Variants in CACNA2D3 observed in about 807,000 individuals in gnomAD.
CACNA2D3 encodes the protein calcium voltage-gated channel auxiliary subunit alpha2delta 3.
Under a neutral mutation model 160.6 loss-of-function variants are expected in CACNA2D3, and 60 were observed. The ratio of observed to expected loss-of-function variants is 0.37; its 90% CI spans 0.30 to 0.46. The LOEUF is 0.46. Among genes scored for constraint, CACNA2D3 ranks in the 20% least tolerant of loss-of-function variants. CACNA2D3 has a pLI of 1.00. For missense variants in CACNA2D3, 1,205 were observed against 1,365.0 expected (o/e 0.88, Z 1.85); for synonymous variants, 558 against 492.9 (o/e 1.13, Z -1.75).
At chr3:54,486,962 A>T (rs566380588) in intron 4 of CACNA2D3, among the ~76,000 whole-genome samples, 1 of 152,338 alleles carries the variant, frequency 6.6e-6, no homozygotes, top group East Asian at 1.9e-4. Flanking sequence ...AATGCTGCTT[A>T]GATGAGTGAC....
chr3:54,786,803 A>G (rs1011280213), intron 13 of CACNA2D3, among the ~76,000 whole-genome samples: 5 of 152,168 alleles, frequency 3.3e-5, no homozygotes, highest in African/African-American at 1.2e-4. Flanking sequence ...TGAAACTGGG[A>G]GCACATACGG....
Position 54,320,491 on chromosome 3 carries a change from T to G in CACNA2D3, c.254T>G (p.Leu85Arg), listed in dbSNP as rs1452896075. ...GTTGCCATAGAAGAAATTGATGGCCTCCAACTGGTAAAGAAGCTGGCAAAG... is the reference window on the plus strand; with the variant it reads ...GTTGCCATAGAAGAAATTGATGGCCGCCAACTGGTAAAGAAGCTGGCAAAG... ...KDVAIEEIDG[L>R]QLVKKLAKNM... The change falls in exon 3 of 38, where the codon CTC becomes CGC. Residue 85 changes from leucine to arginine, a missense_variant. Transcript: ENST00000474759. 4.5e-6 allele frequency: 7 copies of G among 1,569,330 alleles called. No individual in the cohort carries two copies. Among genetic ancestry groups the G allele is most frequent in the Non-Finnish European group, 5.2e-6 (6 of 1,156,616 alleles).
At chr3:54,275,142 G>A (rs938206459) in intron 2 of CACNA2D3, among the ~76,000 whole-genome samples, 2 of 152,168 alleles carry the variant, frequency 1.3e-5, no homozygotes. Flanking sequence ...TAATGAGATC[G>A]TGTATCTTGT....
chr3:54,394,085 G>A (rs1321132475), intron 4 of CACNA2D3, among the ~76,000 whole-genome samples: 1 of 152,146 alleles, frequency 6.6e-6, no homozygotes, highest in African/African-American at 2.4e-5. Context: ...AATTGCCACT[G>A]TGCCTGTTGG....
intron 4 of CACNA2D3, among the ~76,000 whole-genome samples, chr3:54,428,144 G>A (rs1699935886): frequency 6.6e-6 from 1 of 152,198 alleles, no homozygotes; most frequent in South Asian, 2.1e-4. Flanking sequence ...TGTTTACCAT[G>A]CAGCCCTTTC....
chr3:54,317,938 A>G (rs1236539205), intron 2 of CACNA2D3, among the ~76,000 whole-genome samples: 1 of 152,116 alleles, frequency 6.6e-6, no homozygotes, highest in East Asian at 1.9e-4. Context: ...TCATAACCTT[A>G]TTATCTCTTA....
intron 12 of CACNA2D3, among the ~76,000 whole-genome samples, chr3:54,759,836 G>A (rs1702047390): frequency 6.6e-6 from 1 of 152,224 alleles, no homozygotes; most frequent in Admixed American, 6.5e-5. Flanking sequence ...AAGAGGCAGT[G>A]TCTTCAGTGG....
At position 54,555,411 on chromosome 3, in the gene CACNA2D3, G is replaced by T. The variant is rs147358580; in HGVS notation, c.545-7389G>T. The stretch of plus-strand genomic sequence containing the variant: ...CTAATCTGGAAAGGTATGCAAGGGT[G>T]TATAGGAGTGTGCAGAGAGAGAAGA... On this transcript the variant is annotated intron_variant, in intron 5 of 37. Transcript: ENST00000474759. 4.6e-5 allele frequency among the ~76,000 whole-genome samples: 7 copies of T among 152,264 alleles called. 1 individual carries two copies. Among genetic ancestry groups the T allele is most frequent in the African/African-American group, 1.7e-4 (7 of 41,534 alleles).
chr3:54,734,818 A>G (rs1460493403), intron 11 of CACNA2D3, among the ~76,000 whole-genome samples: 1 of 152,234 alleles, frequency 6.6e-6, no homozygotes. Flanking sequence ...TTACATAACA[A>G]AAGAATGAAC....
At chr3:54,413,408 C>CTA (rs1559474749) in intron 4 of CACNA2D3, among the ~76,000 whole-genome samples, 1 of 145,236 alleles carries the variant, frequency 6.9e-6, no homozygotes, top group African/African-American at 2.5e-5. Context: ...CTATATATAT[C>CTA]TATATATATA....
At chr3:54,724,353 G>A (rs193197777) in intron 11 of CACNA2D3, among the ~76,000 whole-genome samples, 1 of 152,146 alleles carries the variant, frequency 6.6e-6, no homozygotes, top group Admixed American at 6.5e-5. Flanking sequence ...ATATTAGACA[G>A]ATCAACGAGA....
At chr3:54,464,972 T>A (rs544346761) in intron 4 of CACNA2D3, among the ~76,000 whole-genome samples, 5 of 152,312 alleles carry the variant, frequency 3.3e-5, no homozygotes, top group African/African-American at 1.2e-4. Context: ...TGAACTTCCA[T>A]AATGTGAACA....
intron 5 of CACNA2D3, among the ~76,000 whole-genome samples, chr3:54,507,883 C>CG (rs762816810): frequency 2.7e-4 from 41 of 152,294 alleles, no homozygotes; most frequent in Admixed American, 1.0e-3. Context: ...TGAGTTGCCT[C>CG]GGGGGATGTG....
intron 13 of CACNA2D3, among the ~76,000 whole-genome samples, chr3:54,814,110 C>T (rs999025888): frequency 6.6e-6 from 1 of 152,116 alleles, no homozygotes; most frequent in Non-Finnish European, 1.5e-5. Context: ...CTCAAGCAAT[C>T]TGCCCAACTT....
At chr3:54,499,584 C>T (rs966259478) in intron 4 of CACNA2D3, among the ~76,000 whole-genome samples, 2 of 152,074 alleles carry the variant, frequency 1.3e-5, no homozygotes, top group Non-Finnish European at 2.9e-5. Context: ...TTTGCTACAT[C>T]CCACACCTTT....
intron 1 of CACNA2D3, 88 bp from the exon 2 acceptor site, chr3:54,123,425 C>T: frequency 3.4e-6 from 3 of 889,550 alleles, no homozygotes; most frequent in Non-Finnish European, 3.9e-6. Flanking sequence ...GCTCCTTCAG[C>T]CATAGTCCCA....
chr3:54,215,633 G>T (rs1701447351), intron 2 of CACNA2D3, among the ~76,000 whole-genome samples: 1 of 152,192 alleles, frequency 6.6e-6, no homozygotes, highest in South Asian at 2.1e-4. Flanking sequence ...GAGGGTGGGA[G>T]GTGGGGCCAT....
At chr3:55,037,949 C>A (rs772077384) in intron 35 of CACNA2D3, among the ~76,000 whole-genome samples, 2 of 152,152 alleles carry the variant, frequency 1.3e-5, no homozygotes, top group Admixed American at 6.5e-5. Flanking sequence ...GATTAAAAAT[C>A]GGATAAACTG....
intron 27 of CACNA2D3, among the ~76,000 whole-genome samples, chr3:54,911,240 T>G (rs1609003): frequency 0.43 from 65,504 of 151,416 alleles, 15,550 homozygotes; most frequent in East Asian, 0.79. Context: ...TGTCATTTAT[T>G]TTTTACAATT....
Sources: gnomAD v4.1 joint callset for allele counts (sites outside exome capture counted in the v4.1 genomes callset) on GRCh38, gnomAD v4.1.1 for gene constraint, MANE v1.5 for transcripts, NCBI Gene and HGNC (gene_info 2026-07-23, HGNC 2026-07-21) for gene names.